The following DIP2C variants were observed in gnomAD, a reference collection of about 807,000 sequenced individuals.
The protein encoded by DIP2C is DIP2 acetate--CoA ligase C (putative).
In DIP2C, 33 loss-of-function variants were observed where a neutral mutation model predicts 192.4. The ratio of observed to expected loss-of-function variants is 0.17; its 90% CI spans 0.13 to 0.23. The LOEUF (loss-of-function observed/expected upper bound fraction) is 0.23, where lower values mean the gene tolerates loss of function less well. DIP2C is among the 10% of genes least tolerant of loss of function. The pLI is 1.00. For missense variants in DIP2C, 1,537 were observed against 2,110.1 expected, an observed-to-expected ratio of 0.73 and a Z score of 5.32; for synonymous variants, 979 against 864.1, an observed-to-expected ratio of 1.13 and a Z score of -2.33.
rs1043260320 is a variant in DIP2C, at chr10:286,523, C to T, written c.4045-176G>A. On this transcript the variant is annotated intron_variant, in intron 33 of 36. Coordinates refer to ENST00000280886, the MANE Select transcript of DIP2C (RefSeq NM_014974.3). ...CATTATACAACCACAGCCTCACAAT[C>T]ACAGCCTCACAATCACATTCTCACT... 3.3e-5 allele frequency among the ~76,000 whole-genome samples: 5 copies of T among 151,798 alleles called. No individual in the cohort carries two copies. The East Asian group carries it at 7.7e-4, about 23-fold the overall frequency.
chr10:680,449 G>A (rs1831090244), intron 1 of DIP2C, among the ~76,000 whole-genome samples: 1 of 152,188 alleles, frequency 6.6e-6, no homozygotes, highest in Non-Finnish European at 1.5e-5. Flanking sequence ...TGTCCGCACT[G>A]GGTAATTTTA....
chr10:648,273 A>C (rs896385116), intron 1 of DIP2C, among the ~76,000 whole-genome samples: 1 of 151,386 alleles, frequency 6.6e-6, no homozygotes, highest in African/African-American at 2.4e-5. Flanking sequence ...ACAAAGGGAA[A>C]CTGAGTCCAC....
chr10:675,223 T>A (rs1170257232), intron 1 of DIP2C, among the ~76,000 whole-genome samples: 1 of 152,040 alleles, frequency 6.6e-6, no homozygotes. Context: ...GAAGGAAATT[T>A]AAAAATTTAT....
intron 1 of DIP2C, chr10:661,894 C>G (rs544838528): frequency 1.6e-6 from 1 of 616,134 alleles, no homozygotes; most frequent in Admixed American, 2.7e-5. Context: ...AGCACAACGC[C>G]GACCTCAGGG....
At chr10:447,517 AC>A (rs2133305215) in intron 3 of DIP2C, among the ~76,000 whole-genome samples, 2 of 143,394 alleles carry the variant, frequency 1.4e-5, no homozygotes, top group Non-Finnish European at 3.0e-5. Context: ...GGACCCGCTC[AC>A]TCCCATCAAT....
In DIP2C at chr10:390,830, C is replaced by G; in HGVS notation, c.1294G>C (p.Gly432Arg). Reference protein sequence around the residue: ...AGSQQIGFLLGSCGVTVALTS... With the variant: ...AGSQQIGFLLRSCGVTVALTS... The stretch of plus-strand genomic sequence containing the variant: ...AAGGCTACAGTAACTCCACAGCTTC[C>G]AAGCAAGAAACCTATCTGCTGGCTC... Residue 432 changes from glycine to arginine, a missense_variant, in exon 11 of 37, where the codon GGA (glycine) becomes CGA (arginine). Around this residue, in one of 4 missense-constraint regions of DIP2C, gnomAD observed 677 missense variants for 989.9 expected, o/e 0.68. Transcript: ENST00000280886. 1 of 1,614,114 alleles carries G rather than the reference C, an allele frequency of 6.2e-7. No individual in the cohort carries two copies. The highest frequency in any genetic ancestry group is 8.5e-7 in the Non-Finnish European group (1 of 1,180,006).
chr10:607,519 C>G (rs141463591), intron 1 of DIP2C, among the ~76,000 whole-genome samples: 1 of 152,176 alleles, frequency 6.6e-6, no homozygotes, highest in Non-Finnish European at 1.5e-5. Context: ...TTTATGAGCA[C>G]GTATGCTCCC....
At chr10:447,444 C>G (rs1439431044) in intron 3 of DIP2C, among the ~76,000 whole-genome samples, 2 of 150,420 alleles carry the variant, frequency 1.3e-5, no homozygotes, top group East Asian at 2.0e-4. Context: ...GGATCACACA[C>G]AGTGGGGCAG....
intron 1 of DIP2C, among the ~76,000 whole-genome samples, chr10:643,398 C>T (rs1274127228): frequency 1.3e-5 from 2 of 152,018 alleles, no homozygotes; most frequent in Non-Finnish European, 2.9e-5. Flanking sequence ...CCTATAGTCC[C>T]AGCTACTGGG....
intron 1 of DIP2C, among the ~76,000 whole-genome samples, chr10:575,656 G>A (rs554411144): frequency 7.9e-5 from 12 of 152,258 alleles, no homozygotes; most frequent in South Asian, 4.1e-4. Flanking sequence ...AAGAGCAGAA[G>A]GGAGCAGAGT....
At chr10:672,016 A>AC (rs1830671077) in intron 1 of DIP2C, among the ~76,000 whole-genome samples, 2 of 146,022 alleles carry the variant, frequency 1.4e-5, no homozygotes, top group Admixed American at 6.8e-5. Flanking sequence ...GACGGAGGAA[A>AC]AGCCACAGAC....
chr10:422,683 C>A, intron 5 of DIP2C, 141 bp downstream of exon 5: 1 of 1,012,954 alleles, frequency 9.9e-7, no homozygotes, highest in Non-Finnish European at 1.4e-6. Flanking sequence ...CAGAAACAAT[C>A]CAGCCAAAGC....
chr10:300,473 G>A (rs1955972887), intron 32 of DIP2C, among the ~76,000 whole-genome samples: 1 of 152,140 alleles, frequency 6.6e-6, no homozygotes, highest in South Asian at 2.1e-4. Context: ...AGAATGGTGG[G>A]TACCAGGGGC....
At chr10:401,209 C>A (rs914006978) in intron 9 of DIP2C, among the ~76,000 whole-genome samples, 1 of 151,004 alleles carries the variant, frequency 6.6e-6, no homozygotes, top group Non-Finnish European at 1.5e-5. Context: ...TAGCATTACT[C>A]TTCCTTATGG....
intron 32 of DIP2C, among the ~76,000 whole-genome samples, chr10:301,750 C>T (rs1032625692): frequency 6.6e-6 from 1 of 152,218 alleles, no homozygotes; most frequent in African/African-American, 2.4e-5. Context: ...CGCCCGCTTG[C>T]AGGGTGGCCA....
At chr10:591,776 C>CA (rs1418458976) in intron 1 of DIP2C, among the ~76,000 whole-genome samples, 2 of 152,168 alleles carry the variant, frequency 1.3e-5, no homozygotes, top group African/African-American at 4.8e-5. Flanking sequence ...AAAGGTACCA[C>CA]ACCCCACACC....
At chr10:507,316 A>G (rs1845675373) in intron 1 of DIP2C, among the ~76,000 whole-genome samples, 1 of 150,568 alleles carries the variant, frequency 6.6e-6, no homozygotes, top group South Asian at 2.1e-4. Context: ...AGCTGCACAC[A>G]ATCAGAAGCT....
At chr10:358,542 ATCGCTTATCCATG>A in intron 22 of DIP2C, among the ~76,000 whole-genome samples, 1 of 115,988 alleles carries the variant, frequency 8.6e-6, no homozygotes, top group Non-Finnish European at 1.7e-5. Flanking sequence ...TCATAAAGTC[ATCGCTTATCCATG>A]AGCGATGAGA....
chr10:459,127 AG>A (rs1300908138), intron 3 of DIP2C, among the ~76,000 whole-genome samples: 13 of 152,304 alleles, frequency 8.5e-5, no homozygotes, highest in Middle Eastern at 6.8e-3. Flanking sequence ...TTGTGGCATT[AG>A]AAAGTAAATC....
Sources: allele counts gnomAD v4.1 joint callset (sites outside exome capture counted in the v4.1 genomes callset), GRCh38; gene constraint gnomAD v4.1.1; regional missense constraint gnomAD v4.1.1; transcripts MANE v1.5; gene names NCBI Gene and HGNC (gene_info 2026-07-23, HGNC 2026-07-21).